Variants in PRKCA observed in about 807,000 individuals in gnomAD.
PRKCA encodes protein kinase C alpha type.
A neutral mutation model predicts 87.0 loss-of-function variants in PRKCA; 27 were observed. The observed-to-expected ratio is 0.31, with a 90% CI of 0.23 to 0.43. The LOEUF (loss-of-function observed/expected upper bound fraction) is 0.43, where lower values mean the gene tolerates loss of function less well. PRKCA is among the 20% of genes least tolerant of loss of function. PRKCA has a pLI of 1.00. For missense variants in PRKCA, 518 were observed against 852.3 expected, an observed-to-expected ratio of 0.61 and a Z score of 4.88; for synonymous variants, 329 against 311.1, an observed-to-expected ratio of 1.06 and a Z score of -0.61.
At chr17:66,745,799 C>T (rs1039104045) in intron 13 of PRKCA, among the ~76,000 whole-genome samples, 4 of 152,192 alleles carry the variant, frequency 2.6e-5, no homozygotes, top group Non-Finnish European at 4.4e-5. Context: ...TGGTTAGTAA[C>T]GTGTCTAAGG....
At chr17:66,465,660 A>G (rs1339955671) in intron 2 of PRKCA, among the ~76,000 whole-genome samples, 1 of 152,150 alleles carries the variant, frequency 6.6e-6, no homozygotes, top group East Asian at 1.9e-4. Context: ...TGGCCCCTCA[A>G]AAGTGTTGAG....
chr17:66,364,864 T>A (rs1417084720), intron 2 of PRKCA, among the ~76,000 whole-genome samples: 1 of 152,192 alleles, frequency 6.6e-6, no homozygotes, highest in African/African-American at 2.4e-5. Context: ...TTGATGTGAT[T>A]TTTTTCTTCT....
chr17:66,493,443 G>A (rs913776912), intron 2 of PRKCA, among the ~76,000 whole-genome samples: 2 of 152,068 alleles, frequency 1.3e-5, no homozygotes, highest in South Asian at 2.1e-4. Context: ...ATGAAAGGAC[G>A]GGGGGCTGTG....
At chr17:66,590,618 G>T (rs1969771606) in intron 3 of PRKCA, among the ~76,000 whole-genome samples, 1 of 152,184 alleles carries the variant, frequency 6.6e-6, no homozygotes, top group Admixed American at 6.6e-5. Flanking sequence ...GGAGGCCAAG[G>T]TGTGTGGATC....
At chr17:66,559,020 A>G (rs1370869025) in intron 3 of PRKCA, among the ~76,000 whole-genome samples, 2 of 152,208 alleles carry the variant, frequency 1.3e-5, no homozygotes, top group Non-Finnish European at 2.9e-5. Flanking sequence ...ATCCCCATGC[A>G]TTCGAACAGG....
chr17:66,313,350 A>G (rs1192151199), intron 2 of PRKCA, among the ~76,000 whole-genome samples: 2 of 152,212 alleles, frequency 1.3e-5, no homozygotes, highest in Admixed American at 1.3e-4. Context: ...AAGAAAAAGT[A>G]CTTTTAAAGC....
chr17:66,459,371 G>A (rs749734692), intron 2 of PRKCA, among the ~76,000 whole-genome samples: 15 of 152,098 alleles, frequency 9.9e-5, no homozygotes, highest in Non-Finnish European at 1.6e-4. Flanking sequence ...ACGGAACTAC[G>A]ATAACAACAA....
intron 3 of PRKCA, among the ~76,000 whole-genome samples, chr17:66,600,826 T>C (rs1970043575): frequency 1.8e-5 from 1 of 54,298 alleles, no homozygotes; most frequent in Non-Finnish European, 3.1e-5. Flanking sequence ...AAGTATTTTA[T>C]TTCTCCTTCA....
Position 66,621,644 on chromosome 17 carries a change from A to T in PRKCA, c.289-19711A>T, listed in dbSNP as rs571983173. Among the ~76,000 whole-genome samples the T allele has an allele frequency of 1.8e-4, 28 of 152,278 alleles. 1 individual carries two copies. In the South Asian group the frequency reaches 5.6e-3, roughly 30 times the overall value. On this transcript the variant is annotated intron_variant, in intron 3 of 16. Coordinates refer to ENST00000413366, the MANE Select transcript of PRKCA (RefSeq NM_002737.3). ...AATATCTGCTTCGTTCATGGAGTAGATGCACTTTTCAGGACAGATCCCTGT... is the reference window on the plus strand; with the variant it reads ...AATATCTGCTTCGTTCATGGAGTAGTTGCACTTTTCAGGACAGATCCCTGT...
chr17:66,472,602 C>T (rs1033892328), intron 2 of PRKCA, among the ~76,000 whole-genome samples: 2 of 152,184 alleles, frequency 1.3e-5, no homozygotes, highest in Non-Finnish European at 2.9e-5. Context: ...GAAGAGTCAG[C>T]AGAGTTGATG....
intron 2 of PRKCA, among the ~76,000 whole-genome samples, chr17:66,489,773 T>G (rs564163704): frequency 6.6e-6 from 1 of 152,028 alleles, no homozygotes; most frequent in African/African-American, 2.4e-5. Context: ...CTTTAATTCC[T>G]TTCTTTCCTT....
At chr17:66,462,610 A>G (rs1914901453) in intron 2 of PRKCA, among the ~76,000 whole-genome samples, 1 of 152,216 alleles carries the variant, frequency 6.6e-6, no homozygotes, top group East Asian at 1.9e-4. Context: ...CTACTGAAGC[A>G]CATGAATAGT....
chr17:66,376,155 G>A lies in PRKCA; in HGVS notation c.205+70028G>A, dbSNP rs114089309. Among the ~76,000 whole-genome samples, 828 of 152,238 alleles carry A rather than the reference G, an allele frequency of 5.4e-3. 9 individuals carry two copies. Among genetic ancestry groups the A allele is most frequent in the African/African-American group, 0.019 (786 of 41,544 alleles). On this transcript the variant is annotated intron_variant, in intron 2 of 16. Coordinates refer to ENST00000413366, the MANE Select transcript of PRKCA (RefSeq NM_002737.3). ...AGGTTTCCTGGGCCCTGCTGAAGCC[G>A]GCTGCATCAGAATCTTCAGGAATCA...
chr17:66,348,462 G>A (rs1446691500), intron 2 of PRKCA, among the ~76,000 whole-genome samples: 1 of 152,120 alleles, frequency 6.6e-6, no homozygotes, highest in Non-Finnish European at 1.5e-5. Flanking sequence ...GCAAATAGTG[G>A]CTCAGTATTA....
At chr17:66,769,430 C>A (rs1974883751) in intron 13 of PRKCA, among the ~76,000 whole-genome samples, 1 of 151,360 alleles carries the variant, frequency 6.6e-6, no homozygotes, top group Non-Finnish European at 1.5e-5. Context: ...TAATACTTTG[C>A]TTTGGATTGA....
intron 5 of PRKCA, among the ~76,000 whole-genome samples, chr17:66,675,451 G>C (rs2143970145): frequency 6.6e-6 from 1 of 152,308 alleles, no homozygotes; most frequent in East Asian, 1.9e-4. Flanking sequence ...AAGTAGGAAT[G>C]ACCCAGAGGA....
intron 3 of PRKCA, among the ~76,000 whole-genome samples, chr17:66,532,031 C>T (rs1967560044): frequency 1.3e-5 from 2 of 152,126 alleles, no homozygotes; most frequent in African/African-American, 4.8e-5. Context: ...AGCGCCTTTG[C>T]TGACAGAGCA....
chr17:66,330,744 T>G (rs1640519992), intron 2 of PRKCA, among the ~76,000 whole-genome samples: 1 of 152,188 alleles, frequency 6.6e-6, no homozygotes, highest in African/African-American at 2.4e-5. Flanking sequence ...TTACAAAATT[T>G]TATAAATTAG....
At chr17:66,669,658 G>A (rs1972124776) in intron 5 of PRKCA, among the ~76,000 whole-genome samples, 1 of 152,116 alleles carries the variant, frequency 6.6e-6, no homozygotes, top group South Asian at 2.1e-4. Context: ...GCAGCACTTT[G>A]GGAGGCCGAA....
Sources: allele counts gnomAD v4.1 joint callset (sites outside exome capture counted in the v4.1 genomes callset), GRCh38; gene constraint gnomAD v4.1.1; transcripts MANE v1.5; gene names NCBI Gene and HGNC (gene_info 2026-07-23, HGNC 2026-07-21).